Variants in LIPA observed in about 807,000 individuals in gnomAD.
LIPA encodes lipase A, lysosomal acid type, also known as lysosomal acid lipase/cholesteryl ester hydrolase.
LIPA carries 26 observed loss-of-function variants against 40.6 expected under a neutral mutation model. That is an observed-to-expected ratio of 0.64 (90% CI 0.47 to 0.89). The LOEUF is 0.89. LIPA is among the 40% of genes least tolerant of loss of function. The pLI, the probability that LIPA is intolerant of heterozygous loss-of-function variation, is 0.00. For synonymous variants in LIPA, 188 were observed against 168.4 expected (o/e 1.12, Z -0.90); for missense variants, 455 against 479.6 (o/e 0.95, Z 0.48).
intron 2 of LIPA, among the ~76,000 whole-genome samples, chr10:89,363,938 C>T (rs1355317627): frequency 6.6e-6 from 1 of 152,148 alleles, no homozygotes; most frequent in African/African-American, 2.4e-5. Flanking sequence ...TGCTCCTTCA[C>T]ACATTGAAAG....
At chr10:89,393,347 T>C (rs1157698565) in intron 2 of LIPA, 1 of 1,235,038 alleles carries the variant, frequency 8.1e-7, no homozygotes, top group Non-Finnish European at 1.1e-6. Flanking sequence ...TCTTGGTACG[T>C]CCTTGACTGA....
At chr10:89,268,538 A>G (rs1843249000) in intron 1 of LIPA, among the ~76,000 whole-genome samples, 1 of 152,198 alleles carries the variant, frequency 6.6e-6, no homozygotes, top group Non-Finnish European at 1.5e-5. Flanking sequence ...CTGATACATA[A>G]TTTCACAAAA....
intron 2 of LIPA, among the ~76,000 whole-genome samples, chr10:89,352,995 T>C (rs553285602): frequency 6.6e-6 from 1 of 152,292 alleles, no homozygotes; most frequent in African/African-American, 2.4e-5. Context: ...TTGCTTCCTC[T>C]GCCCTATCGT....
intron 2 of LIPA, among the ~76,000 whole-genome samples, chr10:89,382,747 G>A (rs1196861412): frequency 6.6e-6 from 1 of 152,218 alleles, no homozygotes; most frequent in Non-Finnish European, 1.5e-5. Flanking sequence ...GGTTGAGTAA[G>A]TGCACACAGG....
intron 2 of LIPA, among the ~76,000 whole-genome samples, chr10:89,376,187 T>TAAAAAAAAA (rs66954730): frequency 9.8e-6 from 1 of 102,546 alleles, no homozygotes; most frequent in Non-Finnish European, 1.8e-5. Context: ...GACTCTATCT[T>TAAAAAAAAA]AAAAAAAAAA....
At chr10:89,374,923 G>T (rs902039787) in intron 2 of LIPA, among the ~76,000 whole-genome samples, 1 of 152,162 alleles carries the variant, frequency 6.6e-6, no homozygotes, top group African/African-American at 2.4e-5. Context: ...TATGTAGATT[G>T]CCCTGGCCTG....
intron 1 of LIPA, among the ~76,000 whole-genome samples, chr10:89,324,870 T>C (rs923291576): frequency 5.3e-5 from 8 of 152,238 alleles, no homozygotes; most frequent in Non-Finnish European, 1.2e-4. Context: ...TCCTTTTTTA[T>C]GGATGCATTG....
chr10:89,353,271 T>C (rs1843969625), intron 2 of LIPA, among the ~76,000 whole-genome samples: 1 of 152,332 alleles, frequency 6.6e-6, no homozygotes, highest in South Asian at 2.1e-4. Flanking sequence ...CTCAAGCATG[T>C]GCACTAAGAG....
intron 1 of LIPA, among the ~76,000 whole-genome samples, chr10:89,294,197 C>T (rs1249858228): frequency 3.3e-5 from 5 of 152,188 alleles, no homozygotes; most frequent in African/African-American, 7.2e-5. Context: ...GTCATTTACC[C>T]GCATCAAGTT....
intron 1 of LIPA, chr10:89,306,756 T>C (rs140944939): frequency 9.3e-6 from 15 of 1,614,130 alleles, no homozygotes; most frequent in East Asian, 6.7e-5. Context: ...GACAAAGCGA[T>C]TGAACTGCTT....
In LIPA at chr10:89,214,974, C is replaced by T; in HGVS notation, c.1054G>A (p.Asp352Asn). 3.1e-6 allele frequency: 5 copies of T among 1,614,096 alleles called. No individual in the cohort carries two copies. Among genetic ancestry groups the T allele is most frequent in the Non-Finnish European group, 4.2e-6 (5 of 1,179,966 alleles). Residue 352 changes from aspartate to asparagine, a missense_variant, in exon 10 of 10, where the codon GAC (aspartate) becomes AAC (asparagine). Coordinates refer to ENST00000336233, the MANE Select transcript of LIPA (RefSeq NM_000235.4). The part of the protein sequence containing the change: ...GGHDWLADVY[D>N]VNILLTQITN... ...ATCTGAGTCAGTAAGATATTGACGT[C>T]GTAGACATCTGCAAGCCAGTCGTGA...
chr10:89,368,690 G>C (rs914030107), intron 2 of LIPA, among the ~76,000 whole-genome samples: 26 of 152,112 alleles, frequency 1.7e-4, no homozygotes, highest in African/African-American at 6.3e-4. Context: ...AAGATGGTGA[G>C]AGAAAAAAGG....
chr10:89,280,093 T>C (rs1843307573), intron 1 of LIPA, among the ~76,000 whole-genome samples: 1 of 152,130 alleles, frequency 6.6e-6, no homozygotes, highest in Non-Finnish European at 1.5e-5. Flanking sequence ...TTATAAGTAC[T>C]GACATGGAGA....
intron 1 of LIPA, among the ~76,000 whole-genome samples, chr10:89,302,889 C>T (rs1220564813): frequency 1.3e-5 from 2 of 152,184 alleles, no homozygotes; most frequent in East Asian, 1.9e-4. Flanking sequence ...TCTGGAATCC[C>T]GTGTTACCAA....
chr10:89,330,921 T>C (rs1036907782), intron 1 of LIPA, among the ~76,000 whole-genome samples: 3 of 152,224 alleles, frequency 2.0e-5, no homozygotes, highest in African/African-American at 7.2e-5. Flanking sequence ...TCACATCAGA[T>C]TCACTGCACC....
At chr10:89,358,214 GC>G (rs1403933651) in intron 2 of LIPA, among the ~76,000 whole-genome samples, 2 of 152,120 alleles carry the variant, frequency 1.3e-5, no homozygotes, top group Admixed American at 6.6e-5. Context: ...TAAATGCCCT[GC>G]AGAATCAAAA....
chr10:89,306,950 A>C lies in LIPA; in HGVS notation c.-2+35661T>G. On this transcript the variant is annotated intron_variant, in intron 1 of 5. Coordinates refer to the LIPA transcript ENST00000282673. Reference sequence around the variant, plus strand: ...GAAGAAAGCTGATGAGGCCAATGATAATCTCTTCCGTGTCTGTTCCATTCT... The same window carrying C: ...GAAGAAAGCTGATGAGGCCAATGATCATCTCTTCCGTGTCTGTTCCATTCT... 1 of 1,614,012 alleles carries C rather than the reference A, an allele frequency of 6.2e-7. No homozygotes were observed. Among genetic ancestry groups the C allele is most frequent in the Admixed American group, 1.7e-5 (1 of 60,012 alleles).
chr10:89,310,378 G>A (rs1451368297), intron 1 of LIPA, among the ~76,000 whole-genome samples: 1 of 152,110 alleles, frequency 6.6e-6, no homozygotes, highest in East Asian at 1.9e-4. Context: ...TGGAAGACTG[G>A]AAGCATTAGA....
chr10:89,218,420 G>A (rs758720682), intron 8 of LIPA, among the ~76,000 whole-genome samples: 4 of 152,154 alleles, frequency 2.6e-5, no homozygotes, highest in Non-Finnish European at 2.9e-5. Flanking sequence ...TTACTGACCC[G>A]GAAAGGCATT....
Sources: gnomAD v4.1 joint callset for allele counts (sites outside exome capture counted in the v4.1 genomes callset) on GRCh38, gnomAD v4.1.1 for gene constraint, MANE v1.5 for transcripts, NCBI Gene and HGNC (gene_info 2026-07-23, HGNC 2026-07-21) for gene names.